AVEN: variants seen among roughly 807,000 people sequenced by gnomAD.
The protein encoded by AVEN is apoptosis and caspase activation inhibitor.
AVEN carries 41 observed loss-of-function variants against 38.1 expected under a neutral mutation model. The observed-to-expected ratio is 1.08, with a 90% CI of 0.84 to 1.40. The LOEUF is 1.40. Among genes scored for constraint, AVEN ranks in the 40% most tolerant of loss-of-function variants. AVEN has a pLI of 0.00. For missense variants in AVEN, 605 were observed against 438.8 expected (o/e 1.38, Z -3.38); for synonymous variants, 206 against 171.8 (o/e 1.20, Z -1.56).
At chr15:33,886,654 A>C (rs1891714708) in intron 2 of AVEN, among the ~76,000 whole-genome samples, 1 of 152,112 alleles carries the variant, frequency 6.6e-6, no homozygotes, top group African/African-American at 2.4e-5. Flanking sequence ...GAACATGTCT[A>C]CTTCCCCTTC....
chr15:34,006,960 G>C, intron 1 of AVEN: 1 of 590,836 alleles, frequency 1.7e-6, no homozygotes, highest in Non-Finnish European at 2.1e-6. Flanking sequence ...CAGAAAACAA[G>C]GTGAAAACTA....
At chr15:33,865,225 A>C (rs1567374719), downstream of AVEN, 1 of 1,610,036 alleles carries the variant, frequency 6.2e-7, no homozygotes, top group South Asian at 1.1e-5. Flanking sequence ...CAGCTTGGAT[A>C]AATCTGAATC....
At position 33,875,994 on chromosome 15, in the gene AVEN, C is replaced by A. The variant is rs1891211389; in HGVS notation, c.447G>T (p.Gly149=). 3 of 1,609,692 alleles carry A rather than the reference C, an allele frequency of 1.9e-6. No individual in the cohort carries two copies. In the Admixed American group the frequency reaches 5.1e-5, roughly 27 times the overall value. Residue 149 remains glycine (G), a splice_region_variant and synonymous_variant, in exon 3 of 6, where the codon GGG becomes GGT. Coordinates refer to ENST00000306730, the MANE Select transcript of AVEN (RefSeq NM_020371.3). ...TDFSVLLSSA[G]DSFSQFRFAE... is the part of the protein sequence containing the mutation. ...CAAACCGGAACTGTGAGAATGAGTC[C>A]CCTAGGAATAGGAAAAAAAAAAAAA...
intron 1 of AVEN, among the ~76,000 whole-genome samples, chr15:34,026,913 A>T (rs970060372): frequency 6.6e-6 from 1 of 152,198 alleles, no homozygotes; most frequent in Non-Finnish European, 1.5e-5. Context: ...GTATAATAGA[A>T]TTAAAGAGTG....
At chr15:33,877,925 G>A (rs1448340636) in intron 2 of AVEN, among the ~76,000 whole-genome samples, 1 of 151,956 alleles carries the variant, frequency 6.6e-6, no homozygotes, top group Non-Finnish European at 1.5e-5. Context: ...CTCCAGCTTG[G>A]GCATCAGAGC....
intron 2 of AVEN, among the ~76,000 whole-genome samples, chr15:33,918,466 T>A (rs1893248925): frequency 7.4e-6 from 1 of 135,208 alleles, no homozygotes. Flanking sequence ...AGCTTTTTTT[T>A]TTTTTTTTTT....
chr15:34,016,893 C>T (rs961269197), intron 1 of AVEN, among the ~76,000 whole-genome samples: 1 of 152,126 alleles, frequency 6.6e-6, no homozygotes, highest in African/African-American at 2.4e-5. Context: ...CTTTGGGAGG[C>T]CAAGGTGGGT....
At chr15:34,013,601 C>T (rs1292411554) in intron 1 of AVEN, among the ~76,000 whole-genome samples, 1 of 152,182 alleles carries the variant, frequency 6.6e-6, no homozygotes, top group Non-Finnish European at 1.5e-5. Flanking sequence ...AATACAAAGA[C>T]CAATAAGCCA....
intron 2 of AVEN, chr15:33,885,612 C>G (rs1203071859): frequency 1.3e-5 from 2 of 152,176 alleles, no homozygotes; most frequent in African/African-American, 4.8e-5. Flanking sequence ...TTATAATTAG[C>G]TTTCTCACCA....
chr15:33,962,069 T>C (rs944234314), intron 2 of AVEN, among the ~76,000 whole-genome samples: 2 of 152,106 alleles, frequency 1.3e-5, no homozygotes, highest in Non-Finnish European at 2.9e-5. Flanking sequence ...ATTCCTTTCC[T>C]ATCTCACTGA....
chr15:33,935,856 T>A (rs1894040469), intron 2 of AVEN, among the ~76,000 whole-genome samples: 1 of 152,192 alleles, frequency 6.6e-6, no homozygotes, highest in South Asian at 2.1e-4. Context: ...ATTATAAATG[T>A]TTAAGACCGA....
At chr15:33,997,317 C>T (rs1896975406) in intron 2 of AVEN, among the ~76,000 whole-genome samples, 1 of 151,806 alleles carries the variant, frequency 6.6e-6, no homozygotes, top group African/African-American at 2.4e-5. Flanking sequence ...TTTTTTAACC[C>T]ACAAATCAAT....
In AVEN at chr15:33,962,907, G is replaced by A. The variant is rs1027311576; in HGVS notation, c.445+40125C>T. Among the ~76,000 whole-genome samples, 8 of 111,494 alleles carry A rather than the reference G, an allele frequency of 7.2e-5. No individual in the cohort carries two copies. In the East Asian group the frequency reaches 1.6e-3, roughly 22 times the overall value. The allele number at this position is 111,494 out of a possible 152,430, so 73.1% of individuals were successfully genotyped here. On this transcript the variant is annotated intron_variant, in intron 2 of 5. Transcript: ENST00000306730. Reference sequence around the variant, plus strand: ...TGCACTCCAGCCTGGGCGACACAGCGAAACTCGTTCTCAAAAAAAAAAAAA... The same window carrying A: ...TGCACTCCAGCCTGGGCGACACAGCAAAACTCGTTCTCAAAAAAAAAAAAA...
intron 2 of AVEN, among the ~76,000 whole-genome samples, chr15:33,912,942 T>G (rs1343338945): frequency 1.3e-5 from 2 of 150,826 alleles, no homozygotes; most frequent in Non-Finnish European, 2.9e-5. Flanking sequence ...TAGGCTGGAG[T>G]GCAATGGCGC....
chr15:33,853,040 T>C, the AVEN span: 1 of 1,604,774 alleles, frequency 6.2e-7, no homozygotes, highest in Non-Finnish European at 8.5e-7. Context: ...CGTTTTGTTT[T>C]TCAGATCTTT....
At chr15:34,069,251 C>A (rs1443616353) in intron 2 of AVEN, among the ~76,000 whole-genome samples, 1 of 151,998 alleles carries the variant, frequency 6.6e-6, no homozygotes, top group African/African-American at 2.4e-5. Flanking sequence ...GAAACCCTGT[C>A]TCTACTAAAA....
intron 1 of AVEN, among the ~76,000 whole-genome samples, chr15:34,026,667 GA>G (rs79824510): frequency 5.9e-5 from 9 of 151,362 alleles, no homozygotes; most frequent in African/African-American, 2.2e-4. Flanking sequence ...AGGACAAGAG[GA>G]AAAAAAATGA....
intron 1 of AVEN, among the ~76,000 whole-genome samples, chr15:34,035,536 T>C (rs1257370803): frequency 6.6e-6 from 1 of 152,160 alleles, no homozygotes; most frequent in Non-Finnish European, 1.5e-5. Flanking sequence ...CTCAGCAATT[T>C]TCTGGTTGAG....
At chr15:33,882,428 T>C (rs1278824773) in intron 2 of AVEN, among the ~76,000 whole-genome samples, 1 of 152,164 alleles carries the variant, frequency 6.6e-6, no homozygotes, top group Non-Finnish European at 1.5e-5. Flanking sequence ...CAATCAAAGC[T>C]GAGACACAGG....
Sources: gnomAD v4.1 joint callset for allele counts (sites outside exome capture counted in the v4.1 genomes callset) on GRCh38, gnomAD v4.1.1 for gene constraint, MANE v1.5 for transcripts, NCBI Gene and HGNC (gene_info 2026-07-23, HGNC 2026-07-21) for gene names.